Variants in UGT1A3 observed in about 807,000 individuals in gnomAD.
UGT1A3 encodes the protein UDP-glucuronosyltransferase 1A3.
A neutral mutation model predicts 41.0 loss-of-function variants in UGT1A3; 31 were observed. The observed-to-expected ratio is 0.76, with a 90% CI of 0.57 to 1.02. The LOEUF is 1.02. UGT1A3 is among the 50% of genes least tolerant of loss of function. UGT1A3 has a pLI of 0.00. For missense variants in UGT1A3, 737 were observed against 671.0 expected (o/e 1.10, Z -1.09); for synonymous variants, 262 against 257.6 (o/e 1.02, Z -0.17).
chr2:233,754,397 T>G (rs1695471341), intron 1 of UGT1A3: 2 of 336,018 alleles, frequency 6.0e-6, no homozygotes, highest in African/African-American at 4.3e-5. Flanking sequence ...GTCCTATCCG[T>G]GCAGTCCCAA....
chr2:233,757,966 T>C (rs1008713784), intron 1 of UGT1A3, among the ~76,000 whole-genome samples: 4 of 152,150 alleles, frequency 2.6e-5, no homozygotes, highest in Admixed American at 6.5e-5. Context: ...GTGTGATTTC[T>C]CAGCCCCTAG....
intron 1 of UGT1A3, among the ~76,000 whole-genome samples, chr2:233,735,882 G>T (rs1173866401): frequency 6.6e-6 from 1 of 152,160 alleles, no homozygotes; most frequent in Admixed American, 6.5e-5. Flanking sequence ...GAGATCTGCT[G>T]TTAGTCTGAT....
intron 1 of UGT1A3, among the ~76,000 whole-genome samples, chr2:233,746,037 G>T (rs1056217183): frequency 1.8e-4 from 28 of 151,826 alleles, no homozygotes; most frequent in Non-Finnish European, 4.1e-4. Flanking sequence ...CTTACTTGCT[G>T]GCTTGGATGC....
At chr2:233,744,043 CA>C (rs1402567766) in intron 1 of UGT1A3, 4 of 743,574 alleles carry the variant, frequency 5.4e-6, no homozygotes, top group Non-Finnish European at 7.6e-6. Flanking sequence ...GACGCAGCCA[CA>C]TCTCATTGGT....
In UGT1A3 at chr2:233,748,516, C is replaced by T. The variant is rs60390282; in HGVS notation, c.868-18518C>T. On this transcript the variant is annotated intron_variant, in intron 1 of 4. Transcript: ENST00000482026. ...GATAATTTTTAGTGGTCCTGTCTTGCGAATGATAGAGAGGTGACCACAGGA... is the reference window on the plus strand; with the variant it reads ...GATAATTTTTAGTGGTCCTGTCTTGTGAATGATAGAGAGGTGACCACAGGA... Among the ~76,000 whole-genome samples, 169 of 151,786 alleles carry T rather than the reference C, an allele frequency of 1.1e-3. 1 individual carries two copies. Among genetic ancestry groups the T allele is most frequent in the African/African-American group, 4.1e-3 (168 of 41,150 alleles).
intron 1 of UGT1A3, among the ~76,000 whole-genome samples, chr2:233,741,289 C>T (rs1426426367): frequency 2.6e-5 from 4 of 151,770 alleles, no homozygotes; most frequent in African/African-American, 7.3e-5. Context: ...GATTTATGTA[C>T]CCAATTGTGT....
chr2:233,759,981 A>G (rs1234447648), intron 1 of UGT1A3, among the ~76,000 whole-genome samples: 1 of 152,088 alleles, frequency 6.6e-6, no homozygotes, highest in African/African-American at 2.4e-5. Context: ...CTCTGGTAAC[A>G]CTTGTTGGTC....
intron 1 of UGT1A3, chr2:233,743,281 T>C (rs1273336134): frequency 4.0e-6 from 2 of 496,058 alleles, no homozygotes; most frequent in East Asian, 1.4e-4. Flanking sequence ...CACCCTTTCT[T>C]GGCCATTCTC....
chr2:233,767,167 T>C lies in UGT1A3; in HGVS notation c.999+2T>C. ...GCTTTGGGCAAAATCCCTCAGACAG[T>C]AAGAAGATTCTATACCATGGCCTCA... On this transcript the variant is annotated splice_donor_variant, in intron 2 of 4. Coordinates refer to ENST00000482026, the MANE Select transcript of UGT1A3 (RefSeq NM_019093.4). LOFTEE classifies it high-confidence loss of function. The C allele has an allele frequency of 2.5e-6, 4 of 1,614,068 alleles. No homozygotes were observed. The highest frequency in any genetic ancestry group is 3.4e-6 in the Non-Finnish European group (4 of 1,180,002).
At position 233,768,623 on chromosome 2, in the gene UGT1A3, G is replaced by A. The variant is rs1319443320; in HGVS notation, c.1307+184G>A. On this transcript the variant is annotated intron_variant, in intron 4 of 4. Coordinates refer to ENST00000482026, the MANE Select transcript of UGT1A3 (RefSeq NM_019093.4). ...TTTTTTTGAGATGGAGTCTTGCTCT[G>A]TCACCTAGGCTGGAGTGCAGTGGTG... Among the ~76,000 whole-genome samples, 3 of 112,724 alleles carry A rather than the reference G, an allele frequency of 2.7e-5. No individual in the cohort carries two copies. The Admixed American group carries it at 3.9e-4, about 15-fold the overall frequency. The allele number at this position is 112,724 out of a possible 152,430, so 74.0% of individuals were successfully genotyped here.
chr2:233,729,640 T>C lies in UGT1A3; in HGVS notation c.514T>C (p.Phe172Leu). The change falls in exon 1 of 5, where the codon TTT becomes CTT. Residue 172 changes from phenylalanine to leucine, a missense_variant. By Grantham distance (22) the Phe-to-Leu change is conservative. Coordinates refer to ENST00000482026, the MANE Select transcript of UGT1A3 (RefSeq NM_019093.4). ...AKYLSIPTVF[F>L]LRNIPCDLDF... ...GTACCTGTCGATTCCTACTGTGTTT[T>C]TTTTGAGGAACATTCCATGTGATTT... is the stretch of plus-strand genomic sequence containing the variant. 1 of 1,613,966 alleles carries C rather than the reference T, an allele frequency of 6.2e-7. No homozygotes were observed. The highest frequency in any genetic ancestry group is 2.2e-5 in the East Asian group (1 of 44,886).
At position 233,769,547 on chromosome 2, in the gene UGT1A3, G is replaced by A; in HGVS notation, c.1307+1108G>A. 1 of 1,612,856 alleles carries A rather than the reference G, an allele frequency of 6.2e-7. No individual in the cohort carries two copies. Among genetic ancestry groups the A allele is most frequent in the Non-Finnish European group, 8.5e-7 (1 of 1,179,826 alleles). On this transcript the variant is annotated intron_variant, in intron 4 of 4. Coordinates refer to ENST00000482026, the MANE Select transcript of UGT1A3 (RefSeq NM_019093.4). This position sits in a 1 kb window ranked among gnomAD's most constrained non-coding sequence, Gnocchi z 4.4. ...CTCCTTTAGAAAGAAGCAGCAGTCA[G>A]GAAGACAGATGTGAAGAGCTGGAGC...
At chr2:233,735,337 C>CT (rs939538517) in intron 1 of UGT1A3, among the ~76,000 whole-genome samples, 10 of 150,780 alleles carry the variant, frequency 6.6e-5, no homozygotes, top group South Asian at 2.1e-4. Context: ...GCAACCCCTG[C>CT]TTTTTTTTTG....
chr2:233,754,946 G>A, intron 1 of UGT1A3: 1 of 1,327,700 alleles, frequency 7.5e-7, no homozygotes, highest in Non-Finnish European at 1.0e-6. Context: ...AGGAGAATGG[G>A]TCCCGGCCGC....
intron 1 of UGT1A3, among the ~76,000 whole-genome samples, chr2:233,749,338 G>A (rs996223048): frequency 2.0e-5 from 3 of 151,868 alleles, no homozygotes; most frequent in Admixed American, 6.5e-5. Flanking sequence ...GTTGAAAAGT[G>A]GGATGGAATT....
In UGT1A3 at chr2:233,768,276, A is replaced by T. The variant is rs771550944; in HGVS notation, c.1144A>T (p.Ser382Cys). The T allele has an allele frequency of 3.1e-6, 5 of 1,614,024 alleles. No homozygotes were observed. In the African/African-American group the frequency reaches 6.7e-5, roughly 22 times the overall value. Residue 382 changes from serine (S) to cysteine (C), a missense_variant, in exon 4 of 5, where the codon AGC becomes TGC. Coordinates refer to ENST00000482026, the MANE Select transcript of UGT1A3 (RefSeq NM_019093.4). ...TGCTGGTTCCCATGGTGTTTATGAA[A>T]GCATATGCAATGGCGTTCCCATGGT... ...THAGSHGVYE[S>C]ICNGVPMVMM... is the part of the protein sequence containing the mutation.
intron 1 of UGT1A3, among the ~76,000 whole-genome samples, chr2:233,731,096 C>A (rs1335372284): frequency 6.6e-6 from 1 of 151,962 alleles, no homozygotes; most frequent in African/African-American, 2.4e-5. Flanking sequence ...TATTTCTGTG[C>A]CTTTTTTATA....
intron 1 of UGT1A3, among the ~76,000 whole-genome samples, chr2:233,731,421 G>C (rs1039281599): frequency 6.6e-6 from 1 of 151,738 alleles, no homozygotes; most frequent in Non-Finnish European, 1.5e-5. Context: ...TTTTCCTAAT[G>C]CCATCCCTCC....
Position 233,772,549 on chromosome 2 carries a change from A to G in UGT1A3, c.1595A>G (p.Lys532Arg), listed in dbSNP as rs1196632178. Residue 532 changes from lysine to arginine, a missense_variant, in exon 5 of 5, where the codon AAG (lysine) becomes AGG (arginine). By Grantham distance (26) the Lys-to-Arg change is conservative (BLOSUM62 2). Coordinates refer to ENST00000482026, the MANE Select transcript of UGT1A3 (RefSeq NM_019093.4). ...CGAGTTAAGAAAGCCCACAAATCCA[A>G]GACCCATTGAGAAGTGGGTGGGAAA... ...KGRVKKAHKS[K>R]TH 6.2e-7 allele frequency: 1 copy of G among 1,614,094 alleles called. No individual in the cohort carries two copies. The highest frequency in any genetic ancestry group is 8.5e-7 in the Non-Finnish European group (1 of 1,179,962).
Sources: gnomAD v4.1 joint callset for allele counts (sites outside exome capture counted in the v4.1 genomes callset) on GRCh38, gnomAD v4.1.1 for gene constraint, Gnocchi (gnomAD v3.1) non-coding constraint, MANE v1.5 for transcripts, NCBI Gene and HGNC (gene_info 2026-07-23, HGNC 2026-07-21) for gene names.